Variants in NKAIN2 observed in about 807,000 individuals in gnomAD.
NKAIN2 encodes sodium/potassium-transporting ATPase subunit beta-1-interacting protein 2.
In NKAIN2, 14 loss-of-function variants were observed where a neutral mutation model predicts 32.6. That is an observed-to-expected ratio of 0.43 (90% CI 0.28 to 0.67). The LOEUF (loss-of-function observed/expected upper bound fraction) is 0.67. NKAIN2 is among the 30% of genes least tolerant of loss of function. The probability of loss-of-function intolerance (pLI) is 0.17; values close to 1 mark genes in which losing one functional copy is unlikely to be tolerated. For missense variants in NKAIN2, 198 were observed against 258.3 expected, an observed-to-expected ratio of 0.77 and a Z score of 1.60; for synonymous variants, 80 against 87.2, an observed-to-expected ratio of 0.92 and a Z score of 0.46.
intron 1 of NKAIN2, among the ~76,000 whole-genome samples, chr6:124,151,596 T>A (rs941398500): frequency 2.6e-5 from 4 of 152,010 alleles, no homozygotes; most frequent in Admixed American, 2.6e-4. Context: ...GAGTAGAAAA[T>A]GCCAACAAAT....
chr6:124,440,613 A>G lies in NKAIN2; in HGVS notation c.273+85266A>G, dbSNP rs1775647133. Among the ~76,000 whole-genome samples, 7 of 152,060 alleles carry G rather than the reference A, an allele frequency of 4.6e-5. No homozygotes were observed. The South Asian group carries it at 1.4e-3, about 31-fold the overall frequency. On this transcript the variant is annotated intron_variant, in intron 3 of 6. Transcript: ENST00000368417. Reference sequence around the variant, plus strand: ...TCCAAGTGGATCACCTAGTTTCCAAACTAAGAATATGATTCCTTGATCCAC... The same window carrying G: ...TCCAAGTGGATCACCTAGTTTCCAAGCTAAGAATATGATTCCTTGATCCAC...
intron 3 of NKAIN2, among the ~76,000 whole-genome samples, chr6:124,537,689 T>C (rs1344500589): frequency 1.3e-5 from 2 of 152,208 alleles, no homozygotes; most frequent in Non-Finnish European, 2.9e-5. Flanking sequence ...TGGATTCTGC[T>C]TCCCTTTCAT....
intron 1 of NKAIN2, among the ~76,000 whole-genome samples, chr6:123,849,000 T>C (rs576280956): frequency 4.7e-4 from 71 of 152,348 alleles, no homozygotes; most frequent in African/African-American, 1.7e-3. Context: ...AAAACATTTC[T>C]ATAATTCTCA....
At chr6:123,855,643 C>T (rs1775529748) in intron 1 of NKAIN2, among the ~76,000 whole-genome samples, 1 of 152,162 alleles carries the variant, frequency 6.6e-6, no homozygotes, top group South Asian at 2.1e-4. Context: ...ATGTGCTGCA[C>T]ATGCCATGTC....
chr6:124,394,193 C>A (rs1168245280), intron 3 of NKAIN2, among the ~76,000 whole-genome samples: 2 of 152,026 alleles, frequency 1.3e-5, no homozygotes, highest in Non-Finnish European at 2.9e-5. Flanking sequence ...GCACAAATGA[C>A]TTTGGGCAAA....
intron 4 of NKAIN2, among the ~76,000 whole-genome samples, chr6:124,694,129 T>G: frequency 6.6e-6 from 1 of 152,192 alleles, no homozygotes; most frequent in East Asian, 1.9e-4. Context: ...ATATTTAACA[T>G]AGAGTATGTA....
intron 3 of NKAIN2, among the ~76,000 whole-genome samples, chr6:124,522,411 A>G (rs1473661658): frequency 6.6e-6 from 1 of 152,212 alleles, no homozygotes; most frequent in African/African-American, 2.4e-5. Flanking sequence ...TGGTGAAATT[A>G]TAGTGGTGAG....
chr6:124,062,368 A>G (rs1038293272), intron 1 of NKAIN2, among the ~76,000 whole-genome samples: 35 of 152,128 alleles, frequency 2.3e-4, no homozygotes, highest in African/African-American at 8.4e-4. Context: ...TGTCTCAAAA[A>G]TATTTTATAT....
chr6:124,552,391 A>G lies in NKAIN2; in HGVS notation c.274-105795A>G, dbSNP rs75870914. On this transcript the variant is annotated intron_variant, in intron 3 of 6. Transcript: ENST00000368417. ...GCAGGCAAGCATCTCTCTGGCATCC[A>G]AAGTGAGTGAAGTTGGAGCAATCTT... is the stretch of plus-strand genomic sequence containing the variant. Among the ~76,000 whole-genome samples the G allele has an allele frequency of 4.5e-4, 69 of 152,330 alleles. 1 individual carries two copies. The East Asian group carries it at 0.013, about 29-fold the overall frequency.
chr6:124,570,073 G>A (rs144195340), intron 3 of NKAIN2, among the ~76,000 whole-genome samples: 1 of 152,268 alleles, frequency 6.6e-6, no homozygotes, highest in East Asian at 1.9e-4. Flanking sequence ...GAGACAGGTG[G>A]CAATTTAGCC....
chr6:124,715,885 T>G (rs376631913), intron 4 of NKAIN2, among the ~76,000 whole-genome samples: 3 of 152,318 alleles, frequency 2.0e-5, no homozygotes, highest in Admixed American at 6.5e-5. Flanking sequence ...GGAAATGTGG[T>G]TGATAGAGGA....
intron 3 of NKAIN2, among the ~76,000 whole-genome samples, chr6:124,405,445 A>C (rs1773809456): frequency 6.6e-6 from 1 of 152,266 alleles, no homozygotes; most frequent in South Asian, 2.1e-4. Flanking sequence ...ATTTATTTTT[A>C]AATCCTCAAT....
chr6:124,224,359 C>G (rs1426729033), intron 1 of NKAIN2, among the ~76,000 whole-genome samples: 1 of 152,128 alleles, frequency 6.6e-6, no homozygotes, highest in Non-Finnish European at 1.5e-5. Context: ...TGGTTAATTA[C>G]TTCAAATGAA....
chr6:124,066,862 TTG>T (rs10574288), intron 1 of NKAIN2, among the ~76,000 whole-genome samples: 35,733 of 149,426 alleles, frequency 0.24, 4,577 homozygotes, highest in Admixed American at 0.4. Flanking sequence ...TTTGCTGCGT[TTG>T]TGTGTGTGTG....
At chr6:124,326,018 C>A (rs1329335960) in intron 2 of NKAIN2, among the ~76,000 whole-genome samples, 4 of 151,446 alleles carry the variant, frequency 2.6e-5, no homozygotes, top group Non-Finnish European at 5.9e-5. Flanking sequence ...TCTTTGGTGA[C>A]TCCTGTTTCT....
intron 2 of NKAIN2, among the ~76,000 whole-genome samples, chr6:124,349,538 G>A (rs938640069): frequency 6.6e-6 from 1 of 152,114 alleles, no homozygotes; most frequent in Non-Finnish European, 1.5e-5. Flanking sequence ...GATAATATTA[G>A]GAGAGTTACT....
At chr6:124,780,476 T>C (rs1413808111) in intron 4 of NKAIN2, among the ~76,000 whole-genome samples, 7 of 152,180 alleles carry the variant, frequency 4.6e-5, no homozygotes, top group Non-Finnish European at 7.3e-5. Flanking sequence ...ATGTTGTTTG[T>C]TGGACAGAGA....
intron 3 of NKAIN2, among the ~76,000 whole-genome samples, chr6:124,427,095 A>G (rs1260819712): frequency 6.6e-6 from 1 of 152,196 alleles, no homozygotes; most frequent in South Asian, 2.1e-4. Flanking sequence ...AAAGCAATTC[A>G]TTTCTTTAAA....
rs990924953 is a variant in NKAIN2, at chr6:124,721,070, C to A, written c.474+62684C>A. ...CTTCCAACAAAGCATTCAGAGCTAGCATAATTCCAGCCAGATGAGGACTTT... is the reference window on the plus strand; with the variant it reads ...CTTCCAACAAAGCATTCAGAGCTAGAATAATTCCAGCCAGATGAGGACTTT... On this transcript the variant is annotated intron_variant, in intron 4 of 6. Coordinates refer to ENST00000368417, the MANE Select transcript of NKAIN2 (RefSeq NM_001040214.3). Among the ~76,000 whole-genome samples the A allele has an allele frequency of 5.1e-4, 77 of 152,172 alleles. 1 individual carries two copies. The highest frequency in any genetic ancestry group is 5.0e-3 in the Admixed American group (77 of 15,274).
Sources: allele counts gnomAD v4.1 joint callset (sites outside exome capture counted in the v4.1 genomes callset), GRCh38; gene constraint gnomAD v4.1.1; transcripts MANE v1.5; gene names NCBI Gene and HGNC (gene_info 2026-07-23, HGNC 2026-07-21).